The following FBN1 variants were observed in gnomAD, a reference collection of about 807,000 sequenced individuals.
The protein encoded by FBN1 is fibrillin 1, also known as fibrillin-1.
A neutral mutation model predicts 365.1 loss-of-function variants in FBN1; 29 were observed. The observed-to-expected ratio is 0.08, with a 90% CI of 0.06 to 0.11. FBN1 has a LOEUF of 0.11. Ranked by LOEUF, FBN1 falls within the 10% of genes least tolerant of loss-of-function variation. The pLI is 1.00. For synonymous variants in FBN1, 1,210 were observed against 1,270.5 expected (o/e 0.95, Z 1.01); for missense variants, 2,476 against 3,703.2 (o/e 0.67, Z 8.60).
chr15:48,506,632 T>C (rs1341702476), intron 15 of FBN1, among the ~76,000 whole-genome samples: 1 of 152,014 alleles, frequency 6.6e-6, no homozygotes, highest in Non-Finnish European at 1.5e-5. Flanking sequence ...TTTCAGAGAG[T>C]GAACAGAGAA....
At chr15:48,439,169 T>TTCTA (rs1019838324) in intron 50 of FBN1, among the ~76,000 whole-genome samples, 2 of 152,308 alleles carry the variant, frequency 1.3e-5, no homozygotes, top group African/African-American at 4.8e-5. Context: ...GAATTAAAGT[T>TTCTA]TCTATCTATC....
chr15:48,500,602 C>T (rs1597572355), intron 17 of FBN1, among the ~76,000 whole-genome samples: 1 of 152,162 alleles, frequency 6.6e-6, no homozygotes, highest in South Asian at 2.1e-4. Flanking sequence ...GTATTATAAA[C>T]ACATAGTGAG....
In FBN1 at chr15:48,421,661, G is replaced by A; in HGVS notation, c.7596C>T (p.Ile2532=). 1.2e-6 allele frequency: 2 copies of A among 1,613,826 alleles called. No homozygotes were observed. The highest frequency in any genetic ancestry group is 1.7e-6 in the Non-Finnish European group (2 of 1,179,926). Residue 2532 remains isoleucine, a synonymous_variant, in exon 62 of 66, where the codon ATC becomes ATT. Transcript: ENST00000316623. ...CIDNNECTSD[I]NLCGSKGICQ... is the part of the protein sequence containing the mutation. ...AAATGCCCTTAGACCCGCACAGATT[G>A]ATGTCAGAGGTGCATTCATTGTTAT...
At chr15:48,481,886 C>A in intron 31 of FBN1, 106 bp from the exon 32 acceptor site, 1 of 1,158,402 alleles carries the variant, frequency 8.6e-7, no homozygotes, top group Non-Finnish European at 1.3e-6. Flanking sequence ...AGGTAAAATG[C>A]TTTCCCTCAG....
At chr15:48,578,516 T>G (rs949553290) in intron 6 of FBN1, among the ~76,000 whole-genome samples, 2 of 152,040 alleles carry the variant, frequency 1.3e-5, no homozygotes, top group Non-Finnish European at 2.9e-5. Context: ...CCAAGTCTTT[T>G]GGGTATATAC....
At chr15:48,623,274 AT>A (rs1456709991) in intron 2 of FBN1, among the ~76,000 whole-genome samples, 1 of 152,232 alleles carries the variant, frequency 6.6e-6, no homozygotes, top group Non-Finnish European at 1.5e-5. Flanking sequence ...CGATAGAATT[AT>A]TTCTTATAAA....
chr15:48,503,898 C>T lies in FBN1; in HGVS notation c.2002G>A (p.Gly668Ser). Residue 668 changes from glycine (G) to serine (S), a missense_variant, in exon 17 of 66, where the codon GGC becomes AGC. By Grantham distance (56) the Gly-to-Ser change is moderately conservative (BLOSUM62 0). Coordinates refer to ENST00000316623, the MANE Select transcript of FBN1 (RefSeq NM_000138.5). ...CCAAACAAAGGTTTGATACACTGGC[C>T]TCTCTTGTATCCACCATAGCATGTG... The part of the protein sequence containing the change: ...RSTCYGGYKR[G>S]QCIKPLFGAV... 6.2e-7 allele frequency: 1 copy of T among 1,614,216 alleles called. No homozygotes were observed. Among genetic ancestry groups the T allele is most frequent in the Middle Eastern group, 1.7e-4 (1 of 6,054 alleles).
intron 6 of FBN1, among the ~76,000 whole-genome samples, chr15:48,584,613 C>T (rs1196385734): frequency 6.6e-6 from 1 of 152,080 alleles, no homozygotes; most frequent in Non-Finnish European, 1.5e-5. Context: ...CTAGGCACTG[C>T]CTTTTGTTTA....
intron 2 of FBN1, among the ~76,000 whole-genome samples, chr15:48,628,301 A>T (rs1210696543): frequency 7.2e-6 from 1 of 139,020 alleles, no homozygotes; most frequent in Non-Finnish European, 1.5e-5. Context: ...TTTCTTGAAG[A>T]AAAAAAAAAA....
chr15:48,529,545 C>T (rs1871483), intron 8 of FBN1: 4 of 152,114 alleles, frequency 2.6e-5, no homozygotes, highest in Non-Finnish European at 5.9e-5. Flanking sequence ...TATCTAGAAG[C>T]TCCATCCAAG....
At chr15:48,532,286 T>C (rs572216596) in intron 8 of FBN1, among the ~76,000 whole-genome samples, 4 of 152,320 alleles carry the variant, frequency 2.6e-5, no homozygotes, top group African/African-American at 9.6e-5. Context: ...CCCCTCAATC[T>C]TGAAGCTGAT....
At chr15:48,413,200 T>C (rs1403845645) in intron 64 of FBN1, among the ~76,000 whole-genome samples, 2 of 152,248 alleles carry the variant, frequency 1.3e-5, no homozygotes, top group East Asian at 3.8e-4. Flanking sequence ...CTTCCATCAT[T>C]ACTTTTCCTC....
rs377386372 is a variant in FBN1, at chr15:48,510,156, A to G, written c.1602T>C (p.Cys534=). The change falls in exon 14 of 66, where the codon TGT becomes TGC. Residue 534 remains cysteine (C), a synonymous_variant. Coordinates refer to ENST00000316623, the MANE Select transcript of FBN1 (RefSeq NM_000138.5). ...TRTECRDIDE[C]LQNGRICNNG... is the part of the protein sequence containing the mutation. ...TATTGCAGATCCGGCCATTCTGTAA[A>G]CACTCATCAATGTCTAAAATCAAAG... is the stretch of plus-strand genomic sequence containing the variant. 7.0e-5 allele frequency: 113 copies of G among 1,613,350 alleles called. No individual in the cohort carries two copies. The highest frequency in any genetic ancestry group is 9.2e-5 in the Non-Finnish European group (109 of 1,179,458).
rs530910238 is a variant in FBN1 at position 48,542,144 on chromosome 15, C to T, written c.539-4336G>A. Among the ~76,000 whole-genome samples, 7 of 152,312 alleles carry T rather than the reference C, an allele frequency of 4.6e-5. 1 individual carries two copies. Among genetic ancestry groups the T allele is most frequent in the African/African-American group, 1.7e-4 (7 of 41,562 alleles). On this transcript the variant is annotated intron_variant, in intron 6 of 65. Coordinates refer to ENST00000316623, the MANE Select transcript of FBN1 (RefSeq NM_000138.5). ...GATCCTCAGCTCATGCCCAGCTCTGCAGCTCAGAATGCTGTGGTCTACAGC... is the reference window on the plus strand; with the variant it reads ...GATCCTCAGCTCATGCCCAGCTCTGTAGCTCAGAATGCTGTGGTCTACAGC...
At chr15:48,564,265 G>T (rs1229170999) in intron 6 of FBN1, among the ~76,000 whole-genome samples, 1 of 152,122 alleles carries the variant, frequency 6.6e-6, no homozygotes, top group Non-Finnish European at 1.5e-5. Context: ...CTATTCAACA[G>T]TCACTTGAGA....
At chr15:48,422,104 C>A (rs764375390) in intron 60 of FBN1, 36 bp from the exon 61 acceptor site, 1 of 1,437,948 alleles carries the variant, frequency 7.0e-7, no homozygotes, top group Non-Finnish European at 9.8e-7. Flanking sequence ...TTGAGTCAAG[C>A]CAACAAAACA....
chr15:48,412,288 T>A (rs915483063), intron 65 of FBN1, among the ~76,000 whole-genome samples: 3 of 152,190 alleles, frequency 2.0e-5, no homozygotes, highest in Non-Finnish European at 4.4e-5. Context: ...TCAGACCTTA[T>A]CCTTTCAGCA....
intron 6 of FBN1, among the ~76,000 whole-genome samples, chr15:48,565,067 C>A (rs2044249994): frequency 6.6e-6 from 1 of 152,144 alleles, no homozygotes; most frequent in Admixed American, 6.6e-5. Flanking sequence ...GGTAATAATT[C>A]ATTGGGGGAT....
At chr15:48,609,134 T>A (rs1180448918) in intron 4 of FBN1, among the ~76,000 whole-genome samples, 1 of 152,226 alleles carries the variant, frequency 6.6e-6, no homozygotes, top group African/African-American at 2.4e-5. Flanking sequence ...TCCCGCATGT[T>A]CCCAGATGTG....
Sources: allele counts gnomAD v4.1 joint callset (sites outside exome capture counted in the v4.1 genomes callset), GRCh38; gene constraint gnomAD v4.1.1; transcripts MANE v1.5; gene names NCBI Gene and HGNC (gene_info 2026-07-23, HGNC 2026-07-21).